SGCD: variants seen among roughly 807,000 people sequenced by gnomAD.
The protein encoded by SGCD is sarcoglycan delta.
A neutral mutation model predicts 36.6 loss-of-function variants in SGCD; 18 were observed. That is an observed-to-expected ratio of 0.49 (90% CI 0.34 to 0.73). The LOEUF is 0.73. Among genes scored for constraint, SGCD ranks in the 30% least tolerant of loss-of-function variants. The probability of loss-of-function intolerance (pLI) is 0.01; values close to 1 mark genes in which losing one functional copy is unlikely to be tolerated. For synonymous variants in SGCD, 133 were observed against 130.6 expected (o/e 1.02, Z -0.12); for missense variants, 387 against 346.7 (o/e 1.12, Z -0.92).
At chr5:156,096,044 G>T (rs1359197563) in intron 1 of SGCD, among the ~76,000 whole-genome samples, 1 of 152,178 alleles carries the variant, frequency 6.6e-6, no homozygotes, top group African/African-American at 2.4e-5. Context: ...GGCAGCCAGT[G>T]CCATGGCAGG....
At chr5:155,981,228 A>C (rs1454587070) in intron 1 of SGCD, among the ~76,000 whole-genome samples, 1 of 152,112 alleles carries the variant, frequency 6.6e-6, no homozygotes, top group East Asian at 1.9e-4. Context: ...GGCTCAGTTC[A>C]ATCTCAGTGG....
chr5:156,368,257 A>AT (rs1403371305), intron 3 of SGCD, among the ~76,000 whole-genome samples: 4 of 151,712 alleles, frequency 2.6e-5, no homozygotes, highest in African/African-American at 9.7e-5. Context: ...TACCCAGCTA[A>AT]TTTTTTTGTA....
chr5:156,651,446 A>C (rs1473202417), intron 7 of SGCD, among the ~76,000 whole-genome samples: 1 of 152,072 alleles, frequency 6.6e-6, no homozygotes, highest in Admixed American at 6.6e-5. Context: ...TTCTATTTAA[A>C]TATTTAATCC....
chr5:156,141,275 G>A (rs1762573019), intron 3 of SGCD, among the ~76,000 whole-genome samples: 1 of 151,068 alleles, frequency 6.6e-6, no homozygotes, highest in Non-Finnish European at 1.5e-5. Flanking sequence ...ACAAACACGA[G>A]ACCGGGTCAC....
In SGCD at chr5:155,933,217, C is replaced by G. The variant is rs182393521; in HGVS notation, c.-282+62793C>G. On this transcript the variant is annotated intron_variant, in intron 1 of 9. Transcript: ENST00000517913. The stretch of plus-strand genomic sequence containing the variant: ...CAAAAACGTCTAGCTCAGTTCTGCC[C>G]CAGGGATGATAATCCTTACATTCTT... 1.9e-3 allele frequency among the ~76,000 whole-genome samples: 288 copies of G among 152,236 alleles called. 3 individuals are homozygous for G. The highest frequency in any genetic ancestry group is 6.6e-3 in the African/African-American group (275 of 41,550).
At chr5:156,687,779 C>T (rs1581400044) in intron 7 of SGCD, among the ~76,000 whole-genome samples, 1 of 152,174 alleles carries the variant, frequency 6.6e-6, no homozygotes, top group Non-Finnish European at 1.5e-5. Flanking sequence ...TACTTAGTGC[C>T]AGGGAACAAC....
At chr5:156,175,790 T>C (rs959390050) in intron 3 of SGCD, among the ~76,000 whole-genome samples, 3 of 152,176 alleles carry the variant, frequency 2.0e-5, no homozygotes, top group Non-Finnish European at 4.4e-5. Flanking sequence ...ATTAATATAA[T>C]TGTGATGGTC....
chr5:156,552,229 G>A (rs937854413), intron 4 of SGCD, among the ~76,000 whole-genome samples: 2 of 152,144 alleles, frequency 1.3e-5, no homozygotes, highest in African/African-American at 4.8e-5. Flanking sequence ...ATAACATCAA[G>A]GTGAGAGCCT....
intron 3 of SGCD, among the ~76,000 whole-genome samples, chr5:156,266,117 T>C (rs193298187): frequency 6.6e-6 from 1 of 152,338 alleles, no homozygotes; most frequent in Admixed American, 6.5e-5. Flanking sequence ...TCTGTGATAT[T>C]TACATATAAA....
chr5:156,241,506 A>T (rs1367103424), intron 3 of SGCD, among the ~76,000 whole-genome samples: 1 of 152,192 alleles, frequency 6.6e-6, no homozygotes, highest in African/African-American at 2.4e-5. Context: ...ACCATGATGT[A>T]TAGACAGGGA....
At chr5:156,182,450 G>A (rs916779936) in intron 3 of SGCD, among the ~76,000 whole-genome samples, 14 of 152,228 alleles carry the variant, frequency 9.2e-5, no homozygotes, top group African/African-American at 3.4e-4. Flanking sequence ...AATTATCCAG[G>A]CATGATGGCA....
intron 6 of SGCD, among the ~76,000 whole-genome samples, chr5:156,608,957 T>G (rs175960): frequency 0.29 from 43,364 of 149,096 alleles, 5,174 homozygotes; most frequent in African/African-American, 0.43. Flanking sequence ...TGAGATGGGT[T>G]TCCTGAATAC....
At chr5:156,193,916 C>A (rs1405185273) in intron 3 of SGCD, among the ~76,000 whole-genome samples, 1 of 152,160 alleles carries the variant, frequency 6.6e-6, no homozygotes, top group Non-Finnish European at 1.5e-5. Flanking sequence ...CAAGTCCTGG[C>A]CTGCAGCCTC....
At chr5:156,343,848 T>C (rs1768798024) in intron 2 of SGCD, among the ~76,000 whole-genome samples, 1 of 152,164 alleles carries the variant, frequency 6.6e-6, no homozygotes, top group Non-Finnish European at 1.5e-5. Context: ...ACGGTTAGAA[T>C]TGCCTAACTC....
intron 3 of SGCD, among the ~76,000 whole-genome samples, chr5:156,214,869 T>TTA (rs1764534578): frequency 1.3e-5 from 2 of 152,060 alleles, no homozygotes; most frequent in African/African-American, 4.8e-5. Flanking sequence ...TTCAATAAAT[T>TTA]CTGTTGGGAT....
the SGCD span, among the ~76,000 whole-genome samples, chr5:155,748,429 A>AC: frequency 6.6e-6 from 1 of 152,096 alleles, no homozygotes; most frequent in African/African-American, 2.4e-5. Flanking sequence ...TAATCTGACT[A>AC]CTACCACAGA....
At chr5:156,102,999 G>A (rs1340274915) in intron 1 of SGCD, among the ~76,000 whole-genome samples, 1 of 152,116 alleles carries the variant, frequency 6.6e-6, no homozygotes, top group Non-Finnish European at 1.5e-5. Flanking sequence ...CAAGTAAAAT[G>A]TGGTTTAATA....
chr5:156,207,186 T>C (rs1344467610), intron 3 of SGCD, among the ~76,000 whole-genome samples: 3 of 152,106 alleles, frequency 2.0e-5, no homozygotes, highest in Non-Finnish European at 4.4e-5. Context: ...TGACTTCTAC[T>C]CTTCAACAGA....
the SGCD span, among the ~76,000 whole-genome samples, chr5:155,763,219 G>A: frequency 1.3e-5 from 2 of 152,114 alleles, no homozygotes; most frequent in Non-Finnish European, 2.9e-5. Context: ...CAGGGATGAA[G>A]GAATTATAAT....
Sources: gnomAD v4.1 joint callset for allele counts (sites outside exome capture counted in the v4.1 genomes callset) on GRCh38, gnomAD v4.1.1 for gene constraint, MANE v1.5 for transcripts, NCBI Gene and HGNC (gene_info 2026-07-23, HGNC 2026-07-21) for gene names.